Variants in PPM1B observed in about 807,000 individuals in gnomAD.
PPM1B encodes the protein protein phosphatase, Mg2+/Mn2+ dependent 1B, also known as protein phosphatase 1B.
Under a neutral mutation model 43.0 loss-of-function variants are expected in PPM1B, and 22 were observed. That is an observed-to-expected ratio of 0.51 (90% confidence interval 0.37 to 0.73). The LOEUF (loss-of-function observed/expected upper bound fraction) is 0.73, where lower values mean the gene tolerates loss of function less well. Among genes scored for constraint, PPM1B ranks in the 30% least tolerant of loss-of-function variants. PPM1B has a pLI of 0.00. For missense variants in PPM1B, 632 were observed against 584.2 expected, an observed-to-expected ratio of 1.08 and a Z score of -0.84; for synonymous variants, 217 against 197.9, an observed-to-expected ratio of 1.10 and a Z score of -0.81.
At chr2:44,204,732 G>A (rs147692221) in intron 2 of PPM1B, among the ~76,000 whole-genome samples, 4,468 of 151,650 alleles carry the variant, frequency 0.029, 226 homozygotes, top group African/African-American at 0.1. Context: ...TGTGGTGGGC[G>A]CTTGTAGTCC....
chr2:44,204,686 G>A (rs1041550710), intron 2 of PPM1B, among the ~76,000 whole-genome samples: 2 of 151,672 alleles, frequency 1.3e-5, no homozygotes, highest in Non-Finnish European at 2.9e-5. Context: ...GTGAAACCCC[G>A]TCTCTATTAA....
At chr2:44,234,511 C>T (rs950182411), downstream of PPM1B, 149 of 933,946 alleles carry the variant, frequency 1.6e-4, no homozygotes, top group Non-Finnish European at 1.8e-4. Flanking sequence ...GAGCGAGACT[C>T]CGTCTCAAAA....
At chr2:44,231,688 A>C (rs1295637363), downstream of PPM1B, among the ~76,000 whole-genome samples, 1 of 152,138 alleles carries the variant, frequency 6.6e-6, no homozygotes, top group Non-Finnish European at 1.5e-5. Context: ...GTGGTACAAA[A>C]TATTAATCTT....
Position 44,217,993 on chromosome 2 carries a change from G to A in PPM1B, c.991G>A (p.Gly331Arg), listed in dbSNP as rs1448836346. ...EEIMEKSGEE[G>R]MPDLAHVMRI... ...GATTATGGAGAAGTCTGGCGAGGAA[G>A]GAATGCCTGATCTTGCCCATGTCAT... The change falls in exon 4 of 6, where the codon GGA becomes AGA. Residue 331 changes from glycine (G) to arginine (R), a missense_variant. Coordinates refer to ENST00000282412, the MANE Select transcript of PPM1B (RefSeq NM_002706.6). The A allele has an allele frequency of 5.0e-6, 8 of 1,605,878 alleles. No homozygotes were observed. The highest frequency in any genetic ancestry group is 6.8e-6 in the Non-Finnish European group (8 of 1,177,578).
At chr2:44,244,799 T>G (rs1670823835), downstream of PPM1B, among the ~76,000 whole-genome samples, 1 of 137,702 alleles carries the variant, frequency 7.3e-6, no homozygotes, top group South Asian at 2.3e-4. Context: ...TATCTATATT[T>G]AGAAGTGTAT....
At chr2:44,200,999 G>C (rs1264903221) in intron 1 of PPM1B, among the ~76,000 whole-genome samples, 187 bp from the exon 2 acceptor site, 2 of 152,086 alleles carry the variant, frequency 1.3e-5, no homozygotes, top group East Asian at 1.9e-4. Flanking sequence ...TTACGCGCTA[G>C]GGCTGAGAAA....
chr2:44,220,113 T>G (rs1337059439), intron 5 of PPM1B, among the ~76,000 whole-genome samples: 3 of 152,102 alleles, frequency 2.0e-5, no homozygotes, highest in Non-Finnish European at 4.4e-5. Flanking sequence ...ACTCTTCAGC[T>G]AGATTATAGA....
chr2:44,208,819 G>A (rs1028885494), intron 2 of PPM1B, among the ~76,000 whole-genome samples: 1 of 152,238 alleles, frequency 6.6e-6, no homozygotes, highest in Non-Finnish European at 1.5e-5. Flanking sequence ...CTCTGAGGCA[G>A]TTTAAAAGCT....
At chr2:44,192,879 G>T (rs751284311) in intron 1 of PPM1B, among the ~76,000 whole-genome samples, 10 of 152,154 alleles carry the variant, frequency 6.6e-5, no homozygotes, top group Non-Finnish European at 1.3e-4. Context: ...CATCCATGTT[G>T]TTGTAAATGA....
downstream of PPM1B, among the ~76,000 whole-genome samples, chr2:44,239,250 C>T (rs1345823982): frequency 6.7e-6 from 1 of 149,446 alleles, no homozygotes; most frequent in South Asian, 2.1e-4. Context: ...TTTCTGATTA[C>T]ATGTGAGAAA....
rs113608879 is a variant in PPM1B, at chr2:44,177,471, T to G, written c.-15+8197T>G. Among the ~76,000 whole-genome samples, 353 of 138,006 alleles carry G rather than the reference T, an allele frequency of 2.6e-3. 1 individual carries two copies. The highest frequency in any genetic ancestry group is 4.2e-3 in the Non-Finnish European group (275 of 66,038). 90.5% of individuals were successfully genotyped at this position (138,006 alleles called of 152,430 possible). On this transcript the variant is annotated intron_variant, in intron 1 of 5. Transcript: ENST00000282412. Reference sequence around the variant, plus strand: ...TTTGCTCTTGTTGCCCAGGCTGGAGTGTAGTGGCATGATCTCGGCTCACTG... The same window carrying G: ...TTTGCTCTTGTTGCCCAGGCTGGAGGGTAGTGGCATGATCTCGGCTCACTG...
downstream of PPM1B, chr2:44,244,530 A>G (rs1670815638): frequency 7.4e-6 from 3 of 407,092 alleles, no homozygotes; most frequent in Non-Finnish European, 1.1e-5. Context: ...GTTTGATTCC[A>G]GGGACTCTTA....
intron 1 of PPM1B, among the ~76,000 whole-genome samples, chr2:44,183,802 G>T (rs940556600): frequency 6.6e-5 from 10 of 151,994 alleles, no homozygotes; most frequent in African/African-American, 2.4e-4. Flanking sequence ...GCAGTGGCGC[G>T]ATCTCGGCTC....
Position 44,201,441 on chromosome 2 carries a change from C to T in PPM1B, c.242C>T (p.Thr81Ile). ...ACACATTTATTAGAACACATCACTA[C>T]TAACGAAGACTTTAGGGCAGCTGGA... is the stretch of plus-strand genomic sequence containing the variant. ...CSTHLLEHIT[T>I]NEDFRAAGKS... is the part of the protein sequence containing the mutation. Residue 81 changes from threonine (T) to isoleucine (I), a missense_variant, in exon 2 of 6, where the codon ACT becomes ATT. This residue lies in a region of PPM1B where 200 missense variants were observed against 200.7 expected (regional missense o/e 1.00). Coordinates refer to ENST00000282412, the MANE Select transcript of PPM1B (RefSeq NM_002706.6). The surrounding 1 kb of genome is among the most constrained non-coding windows in gnomAD (Gnocchi z 5.4). 6.2e-7 allele frequency: 1 copy of T among 1,614,170 alleles called. No homozygotes were observed. Among genetic ancestry groups the T allele is most frequent in the Non-Finnish European group, 8.5e-7 (1 of 1,180,020 alleles).
At chr2:44,212,974 C>T (rs557045292) in intron 3 of PPM1B, among the ~76,000 whole-genome samples, 32 of 144,132 alleles carry the variant, frequency 2.2e-4, no homozygotes, top group African/African-American at 8.1e-4. Context: ...GATCCTGCCA[C>T]TGCACTCCAG....
At chr2:44,180,775 T>G (rs1417306273) in intron 1 of PPM1B, among the ~76,000 whole-genome samples, 1 of 151,916 alleles carries the variant, frequency 6.6e-6, no homozygotes, top group African/African-American at 2.4e-5. Flanking sequence ...CATACCTGGC[T>G]AAGAAGTGTC....
chr2:44,219,623 T>C (rs981424716), intron 5 of PPM1B, among the ~76,000 whole-genome samples: 2 of 152,182 alleles, frequency 1.3e-5, no homozygotes, highest in African/African-American at 4.8e-5. Context: ...GAGTCTTTTT[T>C]TGTGGCAGGT....
At chr2:44,232,372 G>C (rs553817137), downstream of PPM1B, 47 of 1,602,374 alleles carry the variant, frequency 2.9e-5, no homozygotes, top group South Asian at 5.0e-4. Flanking sequence ...AAATGCTTTT[G>C]ATTCTGAAAA....
chr2:44,218,016 C>A lies in PPM1B; in HGVS notation c.1014C>A (p.Val338=). The A allele has an allele frequency of 6.2e-7, 1 of 1,612,344 alleles. No homozygotes were observed. The highest frequency in any genetic ancestry group is 1.1e-5 in the South Asian group (1 of 90,654). Residue 338 remains valine, a synonymous_variant, in exon 4 of 6, where the codon GTC becomes GTA. Coordinates refer to ENST00000282412, the MANE Select transcript of PPM1B (RefSeq NM_002706.6). Reference sequence around the variant, plus strand: ...AAGGAATGCCTGATCTTGCCCATGTCATGCGCATCTTGTCTGCAGAAAATA... The same window carrying A: ...AAGGAATGCCTGATCTTGCCCATGTAATGCGCATCTTGTCTGCAGAAAATA... ...GEEGMPDLAH[V]MRILSAENIP...
Sources: allele counts gnomAD v4.1 joint callset (sites outside exome capture counted in the v4.1 genomes callset), GRCh38; gene constraint gnomAD v4.1.1; regional missense constraint gnomAD v4.1.1; non-coding constraint Gnocchi (gnomAD v3.1); transcripts MANE v1.5; gene names NCBI Gene and HGNC (gene_info 2026-07-23, HGNC 2026-07-21).